Variants in S100Z observed in about 807,000 individuals in gnomAD.
S100Z encodes protein S100-Z.
S100Z carries 11 observed loss-of-function variants against 8.5 expected under a neutral mutation model. That is an observed-to-expected ratio of 1.30 (90% CI 0.82 to 2.15). The LOEUF (loss-of-function observed/expected upper bound fraction) is 2.15. Ranked by LOEUF, S100Z falls within the 30% of genes most tolerant of loss-of-function variation. The pLI, the probability that S100Z is intolerant of heterozygous loss-of-function variation, is 0.00. For synonymous variants in S100Z, 34 were observed against 43.8 expected (o/e 0.78, Z 0.89); for missense variants, 126 against 117.9 (o/e 1.07, Z -0.32).
the S100Z span, among the ~76,000 whole-genome samples, chr5:76,949,662 T>G: frequency 6.6e-6 from 1 of 152,224 alleles, no homozygotes; most frequent in African/African-American, 2.4e-5. Flanking sequence ...TACTACAGCA[T>G]GGATGAAACT....
intron 4 of S100Z, among the ~76,000 whole-genome samples, chr5:76,882,681 C>T (rs1420380123): frequency 3.3e-5 from 5 of 151,970 alleles, no homozygotes; most frequent in East Asian, 1.9e-4. Context: ...AGAATTATGT[C>T]GAGATAGGTA....
At chr5:76,877,357 A>G (rs1464979114) in intron 3 of S100Z, among the ~76,000 whole-genome samples, 2 of 152,116 alleles carry the variant, frequency 1.3e-5, no homozygotes, top group South Asian at 2.1e-4. Context: ...TCACTCGACT[A>G]TCTCCTAGTG....
chr5:76,923,936 TTC>T (rs1745090204), downstream of S100Z, among the ~76,000 whole-genome samples: 2 of 152,194 alleles, frequency 1.3e-5, no homozygotes, highest in South Asian at 4.1e-4. Context: ...CACCCCCCAA[TTC>T]TCTGTGTCTC....
Position 76,875,510 on chromosome 5 carries a change from G to A in S100Z, c.141+10G>A. The A allele has an allele frequency of 6.2e-7, 1 of 1,600,132 alleles. No homozygotes were observed. Among genetic ancestry groups the A allele is most frequent in the East Asian group, 2.2e-5 (1 of 44,658 alleles). The stretch of plus-strand genomic sequence containing the variant: ...CACGGAATTCCTCTCGGTGAGTCAG[G>A]CCTTTGTAAATGCTGTATTCATTTG... On this transcript the variant is annotated intron_variant, in intron 3 of 4. Transcript: ENST00000317593.
the S100Z span, among the ~76,000 whole-genome samples, chr5:76,942,165 A>C: frequency 6.6e-6 from 1 of 151,948 alleles, no homozygotes; most frequent in African/African-American, 2.4e-5. Context: ...CCTAGGCTGA[A>C]GTGCAGTGGT....
intron 4 of S100Z, among the ~76,000 whole-genome samples, chr5:76,879,776 A>G (rs1250410770): frequency 1.3e-5 from 2 of 152,202 alleles, no homozygotes; most frequent in African/African-American, 4.8e-5. Context: ...AAGGAAAACC[A>G]GGAGAGTGTA....
intron 4 of S100Z, among the ~76,000 whole-genome samples, chr5:76,904,618 AT>A (rs1341308676): frequency 1.3e-5 from 2 of 152,314 alleles, no homozygotes; most frequent in East Asian, 3.9e-4. Flanking sequence ...TTGAAATGAA[AT>A]TAATTTCAAA....
At chr5:76,930,562 A>T in the S100Z span, among the ~76,000 whole-genome samples, 8 of 152,126 alleles carry the variant, frequency 5.3e-5, no homozygotes, top group Admixed American at 6.5e-5. Flanking sequence ...ATTGGACCAA[A>T]CCCTTCTATT....
chr5:76,925,172 A>G (rs573673781), downstream of S100Z, among the ~76,000 whole-genome samples: 11 of 152,044 alleles, frequency 7.2e-5, no homozygotes, highest in East Asian at 1.9e-3. Flanking sequence ...AGAGAGAGAG[A>G]GGAAGGGAGA....
rs760601480 is a variant in S100Z, at chr5:76,875,411, C to G, written c.52C>G (p.Arg18Gly). The G allele has an allele frequency of 3.1e-6, 5 of 1,613,136 alleles. No homozygotes were observed. The highest frequency in any genetic ancestry group is 4.2e-6 in the Non-Finnish European group (5 of 1,179,524). ...GGACACCATGATTAGAATCTTCCAC[C>G]GCTATTCTGGCAAGGAAAGGAAGAG... is the stretch of plus-strand genomic sequence containing the variant. ...AMDTMIRIFH[R>G]YSGKERKRFK... The change falls in exon 3 of 5, where the codon CGC becomes GGC. Residue 18 changes from arginine (R) to glycine (G), a missense_variant. Transcript: ENST00000317593.
chr5:76,951,583 G>T, the S100Z span, among the ~76,000 whole-genome samples: 2 of 152,066 alleles, frequency 1.3e-5, no homozygotes, highest in Non-Finnish European at 2.9e-5. Context: ...GCACAAAAAG[G>T]GTGGGAGATA....
At chr5:76,950,770 T>C in the S100Z span, among the ~76,000 whole-genome samples, 1 of 152,184 alleles carries the variant, frequency 6.6e-6, no homozygotes, top group Non-Finnish European at 1.5e-5. Context: ...AACAAACAAC[T>C]TTCAAATATT....
chr5:76,893,854 C>T (rs1159449520), intron 4 of S100Z, among the ~76,000 whole-genome samples: 1 of 152,166 alleles, frequency 6.6e-6, no homozygotes, highest in African/African-American at 2.4e-5. Context: ...TGGGTTTCTA[C>T]TATCTCCTTT....
chr5:76,913,211 C>T (rs1174935389), intron 4 of S100Z, among the ~76,000 whole-genome samples: 2 of 152,200 alleles, frequency 1.3e-5, no homozygotes, highest in Non-Finnish European at 2.9e-5. Context: ...TATCAAAAAT[C>T]CTTAACCCAG....
the S100Z span, among the ~76,000 whole-genome samples, chr5:76,937,694 A>C: frequency 7.3e-6 from 1 of 137,170 alleles, no homozygotes; most frequent in South Asian, 2.4e-4. Context: ...TCGATGCTGC[A>C]GTAAGCCATG....
At chr5:76,932,768 A>T in the S100Z span, among the ~76,000 whole-genome samples, 5 of 152,148 alleles carry the variant, frequency 3.3e-5, no homozygotes, top group Admixed American at 2.6e-4. Flanking sequence ...AAATTCATTT[A>T]TTTTTTCATC....
chr5:76,936,656 CAACCAT>C, the S100Z span, among the ~76,000 whole-genome samples: 21 of 112,052 alleles, frequency 1.9e-4, no homozygotes, highest in East Asian at 1.5e-3. Flanking sequence ...CACACACACA[CAACCAT>C]GAAGGAAACA....
At chr5:76,896,126 T>C (rs1744029557) in intron 4 of S100Z, among the ~76,000 whole-genome samples, 1 of 152,120 alleles carries the variant, frequency 6.6e-6, no homozygotes, top group Non-Finnish European at 1.5e-5. Flanking sequence ...CAGGTCTTAT[T>C]CATTCCTTTT....
At chr5:76,919,288 C>A (rs1744958466) in intron 4 of S100Z, among the ~76,000 whole-genome samples, 1 of 152,170 alleles carries the variant, frequency 6.6e-6, no homozygotes, top group Admixed American at 6.5e-5. Flanking sequence ...AGTGGCAGTG[C>A]CATTTTGCAT....
Sources: gnomAD v4.1 joint callset for allele counts (sites outside exome capture counted in the v4.1 genomes callset) on GRCh38, gnomAD v4.1.1 for gene constraint, MANE v1.5 for transcripts, NCBI Gene and HGNC (gene_info 2026-07-23, HGNC 2026-07-21) for gene names.